Variants in CNTNAP2 observed in about 807,000 individuals in gnomAD.
CNTNAP2 encodes the protein contactin associated protein 2, also known as contactin-associated protein-like 2.
Under a neutral mutation model 155.2 loss-of-function variants are expected in CNTNAP2, and 98 were observed. That is an observed-to-expected ratio of 0.63 (90% CI 0.54 to 0.75). The LOEUF (loss-of-function observed/expected upper bound fraction) is 0.75, where lower values mean the gene tolerates loss of function less well. CNTNAP2 is among the 30% of genes least tolerant of loss of function. The pLI, the probability that CNTNAP2 is intolerant of heterozygous loss-of-function variation, is 0.00. For missense variants in CNTNAP2, 1,727 were observed against 1,688.1 expected (o/e 1.02, Z -0.40); for synonymous variants, 651 against 631.2 (o/e 1.03, Z -0.47).
chr7:147,286,894 A>G (rs138241626), intron 8 of CNTNAP2, among the ~76,000 whole-genome samples: 1 of 152,188 alleles, frequency 6.6e-6, no homozygotes, highest in East Asian at 1.9e-4. Flanking sequence ...ATGCACTTAT[A>G]AGAGTTGACT....
intron 3 of CNTNAP2, among the ~76,000 whole-genome samples, chr7:147,025,459 A>G (rs1301499900): frequency 3.9e-4 from 3 of 7,670 alleles, no homozygotes; most frequent in Admixed American, 1.6e-3. Flanking sequence ...GAGGAGGGGG[A>G]GGGGAGGAGG....
chr7:148,016,807 G>A (rs1219194214), intron 15 of CNTNAP2, among the ~76,000 whole-genome samples: 1 of 152,096 alleles, frequency 6.6e-6, no homozygotes, highest in African/African-American at 2.4e-5. Flanking sequence ...CTAAGTTATA[G>A]CATTTTAATG....
chr7:147,772,873 A>C (rs1452113399), intron 13 of CNTNAP2, among the ~76,000 whole-genome samples: 2 of 152,138 alleles, frequency 1.3e-5, no homozygotes. Context: ...AGTCCTTAGC[A>C]TGTCAGAACT....
At position 148,415,635 on chromosome 7, in the gene CNTNAP2, TG is replaced by T. The variant is rs1799968583; in HGVS notation, c.*22del. On this transcript the variant is annotated 3_prime_UTR_variant, in exon 24 of 24. Coordinates refer to ENST00000361727, the MANE Select transcript of CNTNAP2 (RefSeq NM_014141.6). ...CATTTGAGGGGTGGCTACTTGGCTA[TG>T]GGATAGGGAGGAGGGAATTACTAGG... The T allele has an allele frequency of 6.2e-7, 1 of 1,613,886 alleles. No individual in the cohort carries two copies. Among genetic ancestry groups the T allele is most frequent in the Non-Finnish European group, 8.5e-7 (1 of 1,179,980 alleles).
At chr7:147,890,027 A>G (rs1799664045) in intron 13 of CNTNAP2, among the ~76,000 whole-genome samples, 1 of 152,080 alleles carries the variant, frequency 6.6e-6, no homozygotes, top group African/African-American at 2.4e-5. Flanking sequence ...ATCAGCTAAA[A>G]AGACACTTTT....
chr7:147,519,474 T>C (rs780274189), intron 11 of CNTNAP2, among the ~76,000 whole-genome samples: 17 of 152,226 alleles, frequency 1.1e-4, no homozygotes, highest in Non-Finnish European at 2.1e-4. Flanking sequence ...TAAAGTAATT[T>C]ATCCACAGGT....
At chr7:147,237,049 C>CTGTTTTTTTTTTTTTTTT (rs1803822444) in intron 8 of CNTNAP2, among the ~76,000 whole-genome samples, 1 of 57,484 alleles carries the variant, frequency 1.7e-5, no homozygotes, top group Non-Finnish European at 3.4e-5. Context: ...TTCACCTCCT[C>CTGTTTTTTTTTTTTTTTT]TTTTTTTTTT....
intron 1 of CNTNAP2, among the ~76,000 whole-genome samples, chr7:146,505,683 T>C (rs1390347736): frequency 6.6e-6 from 1 of 152,222 alleles, no homozygotes; most frequent in East Asian, 1.9e-4. Flanking sequence ...CATGGTGGAC[T>C]TGGAGGGTCT....
chr7:146,343,354 T>C (rs1003424311), intron 1 of CNTNAP2, among the ~76,000 whole-genome samples: 6 of 152,104 alleles, frequency 3.9e-5, no homozygotes, highest in Non-Finnish European at 7.4e-5. Context: ...TCTCTGTCTT[T>C]TTTTTTTCGT....
chr7:148,068,028 G>T (rs1345374648), intron 15 of CNTNAP2, among the ~76,000 whole-genome samples: 4 of 152,112 alleles, frequency 2.6e-5, no homozygotes, highest in Non-Finnish European at 5.9e-5. Flanking sequence ...TTTATATCCA[G>T]GTGCCGGTGA....
At chr7:147,801,185 T>G (rs755314622) in intron 13 of CNTNAP2, among the ~76,000 whole-genome samples, 1 of 152,118 alleles carries the variant, frequency 6.6e-6, no homozygotes, top group Non-Finnish European at 1.5e-5. Context: ...TTCTCAAACA[T>G]AGAGAGAATA....
At chr7:146,711,343 AATAT>A (rs1212822449) in intron 1 of CNTNAP2, among the ~76,000 whole-genome samples, 3 of 147,324 alleles carry the variant, frequency 2.0e-5, no homozygotes, top group South Asian at 2.1e-4. Flanking sequence ...ATATATGTAA[AATAT>A]ATATGTATAA....
At chr7:147,687,226 T>A (rs1437537520) in intron 13 of CNTNAP2, among the ~76,000 whole-genome samples, 1 of 152,108 alleles carries the variant, frequency 6.6e-6, no homozygotes, top group Non-Finnish European at 1.5e-5. Context: ...TGATAATGTA[T>A]GTGAATGAAG....
chr7:146,822,702 C>T (rs1281813550), intron 2 of CNTNAP2, among the ~76,000 whole-genome samples: 5 of 138,434 alleles, frequency 3.6e-5, no homozygotes, highest in African/African-American at 1.3e-4. Context: ...TATAAATATT[C>T]TTAAGTATAC....
chr7:148,387,660 C>T (rs921431403), intron 22 of CNTNAP2, among the ~76,000 whole-genome samples: 7 of 152,114 alleles, frequency 4.6e-5, no homozygotes, highest in African/African-American at 1.7e-4. Context: ...AGGTGACTTA[C>T]CACTGCAATT....
At chr7:147,403,141 A>T (rs1796946999) in intron 10 of CNTNAP2, among the ~76,000 whole-genome samples, 2 of 152,142 alleles carry the variant, frequency 1.3e-5, no homozygotes, top group Admixed American at 6.5e-5. Context: ...TGCTTATCCT[A>T]ACCCAGACAT....
intron 13 of CNTNAP2, among the ~76,000 whole-genome samples, chr7:147,744,743 T>A (rs1393491058): frequency 6.6e-6 from 1 of 152,174 alleles, no homozygotes. Context: ...TCATATGGCC[T>A]TTCCTCTGTG....
intron 4 of CNTNAP2, among the ~76,000 whole-genome samples, chr7:147,093,072 C>CATAT (rs10596701): frequency 3.8e-4 from 55 of 144,686 alleles, no homozygotes; most frequent in East Asian, 1.2e-3. Flanking sequence ...AATACAAATA[C>CATAT]ATATATATAT....
At chr7:147,096,538 A>T (rs1490243947) in intron 4 of CNTNAP2, among the ~76,000 whole-genome samples, 1 of 152,304 alleles carries the variant, frequency 6.6e-6, no homozygotes, top group South Asian at 2.1e-4. Context: ...TCATATTGCT[A>T]TCAAAAGTAA....
Sources: allele counts gnomAD v4.1 joint callset (sites outside exome capture counted in the v4.1 genomes callset), GRCh38; gene constraint gnomAD v4.1.1; transcripts MANE v1.5; gene names NCBI Gene and HGNC (gene_info 2026-07-23, HGNC 2026-07-21).